The following SLCO1A2 variants were observed in gnomAD, a reference collection of about 807,000 sequenced individuals.
The protein encoded by SLCO1A2 is OATP-1.
In SLCO1A2, 67 loss-of-function variants were observed where a neutral mutation model predicts 69.0. The ratio of observed to expected loss-of-function variants is 0.97; its 90% CI spans 0.80 to 1.19. SLCO1A2 has a LOEUF of 1.19. SLCO1A2 is among the 50% of genes most tolerant of loss of function. SLCO1A2 has a pLI of 0.00. For synonymous variants in SLCO1A2, 260 were observed against 265.9 expected, an observed-to-expected ratio of 0.98 and a Z score of 0.22; for missense variants, 787 against 793.7, an observed-to-expected ratio of 0.99 and a Z score of 0.10.
intron 12 of SLCO1A2, among the ~76,000 whole-genome samples, chr12:21,287,950 A>T (rs1012896137): frequency 7.2e-6 from 1 of 138,294 alleles, no homozygotes; most frequent in Non-Finnish European, 1.6e-5. Context: ...AGCATGGCAC[A>T]TGTATACATA....
At chr12:21,386,852 T>A (rs981833291) in intron 1 of SLCO1A2, among the ~76,000 whole-genome samples, 1 of 152,032 alleles carries the variant, frequency 6.6e-6, no homozygotes, top group Non-Finnish European at 1.5e-5. Context: ...AATGTGAGAA[T>A]GTTTGGAACT....
At chr12:21,350,664 G>A (rs145875693) in intron 2 of SLCO1A2, among the ~76,000 whole-genome samples, 10,494 of 151,320 alleles carry the variant, frequency 0.069, 381 homozygotes, top group Middle Eastern at 0.15. Context: ...GTGAAACCCC[G>A]TCTCTACTAA....
chr12:21,279,391 A>T lies in SLCO1A2; in HGVS notation c.1611-3967T>A, dbSNP rs780041379. Among the ~76,000 whole-genome samples, 74 of 152,198 alleles carry T rather than the reference A, an allele frequency of 4.9e-4. 1 individual carries two copies. Among genetic ancestry groups the T allele is most frequent in the Non-Finnish European group, 1.0e-3 (68 of 68,034 alleles). On this transcript the variant is annotated intron_variant, in intron 12 of 14. Transcript: ENST00000683939. The stretch of plus-strand genomic sequence containing the variant: ...AATACCAAGCAGATTTAACCCAAAG[A>T]TTACCTCAAGGAATTCAATAAACCC...
At chr12:21,278,394 A>G (rs1944253063) in intron 12 of SLCO1A2, among the ~76,000 whole-genome samples, 1 of 151,994 alleles carries the variant, frequency 6.6e-6, no homozygotes, top group African/African-American at 2.4e-5. Context: ...TTGAACAAAC[A>G]TAGGTGGCAG....
At position 21,266,422 on chromosome 12, in the gene SLCO1A2, T is replaced by C. The variant is rs1942070179; in HGVS notation, c.*3126A>G. 6.6e-6 allele frequency: 1 copy of C among 152,104 alleles called. No homozygotes were observed. Among genetic ancestry groups the C allele is most frequent in the African/African-American group, 2.4e-5 (1 of 41,432 alleles). The allele number at this position is 152,104 out of a possible 1,614,324, so 9.4% of individuals were successfully genotyped here. A position where few individuals can be genotyped will look rare whatever the true frequency, so the allele number is the denominator to read the frequency against. The stretch of plus-strand genomic sequence containing the variant: ...AATATACCAGAAAGACTAAGGGTCT[T>C]TACCACTTCGTGTGCTATTACTCAA... On this transcript the variant is annotated 3_prime_UTR_variant, in exon 15 of 15. Coordinates refer to ENST00000683939, the MANE Select transcript of SLCO1A2 (RefSeq NM_001386879.1).
rs267603420 is a variant in SLCO1A2, at chr12:21,314,682, C to T, written c.203-1G>A. ...ACAAATATAATCAACAAAAGATTTC[C>T]TAGGAAAAAATTGAGAATAATCATT... On this transcript the variant is annotated splice_acceptor_variant, in intron 3 of 14. Coordinates refer to ENST00000683939, the MANE Select transcript of SLCO1A2 (RefSeq NM_001386879.1). LOFTEE classifies it high-confidence loss of function. 5 of 1,593,658 alleles carry T rather than the reference C, an allele frequency of 3.1e-6. No homozygotes were observed. Among genetic ancestry groups the T allele is most frequent in the Non-Finnish European group, 4.3e-6 (5 of 1,163,310 alleles).
chr12:21,401,509 A>G (rs1941704313), intron 1 of SLCO1A2, among the ~76,000 whole-genome samples: 2 of 151,914 alleles, frequency 1.3e-5, no homozygotes, highest in South Asian at 4.1e-4. Context: ...TAATATTATT[A>G]AAACCTTTAT....
chr12:21,292,033 T>C lies in SLCO1A2; in HGVS notation c.1610+131A>G, dbSNP rs945334882. ...TTTTGTGAAATCCAACAATGCTTAA[T>C]ACAAAACCCTTAATAAATGGTACGT... On this transcript the variant is annotated intron_variant, in intron 12 of 14. Transcript: ENST00000683939. The C allele has an allele frequency of 7.0e-6, 4 of 568,662 alleles. No individual in the cohort carries two copies. In the African/African-American group the frequency reaches 7.4e-5, roughly 11 times the overall value. 35.2% of individuals were successfully genotyped at this position (568,662 alleles called of 1,614,324 possible).
chr12:21,269,021 G>A lies in SLCO1A2; in HGVS notation c.*527C>T, dbSNP rs1339876008. 1.3e-5 allele frequency: 2 copies of A among 152,112 alleles called. No homozygotes were observed. The highest frequency in any genetic ancestry group is 2.9e-5 in the Non-Finnish European group (2 of 68,076). 9.4% of individuals were successfully genotyped at this position (152,112 alleles called of 1,614,324 possible). ...TATTTATGAGTAATCTATTATATAG[G>A]AGTCATGCCTAGAATGAATAAGAAG... is the stretch of plus-strand genomic sequence containing the variant. On this transcript the variant is annotated 3_prime_UTR_variant, in exon 15 of 15. Transcript: ENST00000683939.
chr12:21,362,657 C>T (rs1297872858), intron 2 of SLCO1A2, among the ~76,000 whole-genome samples: 2 of 152,122 alleles, frequency 1.3e-5, no homozygotes, highest in African/African-American at 2.4e-5. Flanking sequence ...GGAGACCCAT[C>T]TCACACGCAG....
chr12:21,395,851 T>G (rs1211013130), upstream of SLCO1A2, among the ~76,000 whole-genome samples: 2 of 151,958 alleles, frequency 1.3e-5, no homozygotes, highest in Non-Finnish European at 2.9e-5. Flanking sequence ...AGAAAGGACA[T>G]CCACACCAAA....
rs140226385 is a variant in SLCO1A2 at position 21,394,838 on chromosome 12, T to C, written c.-190+68A>G. On this transcript the variant is annotated intron_variant, in intron 1 of 15. Transcript: ENST00000307378. ...GGTACACTCAAGCCAATAATATCAA[T>C]TGCTAAAAAGATTAATTCACATAAA... The C allele has an allele frequency of 2.6e-5, 4 of 152,236 alleles. No homozygotes were observed. In the East Asian group the frequency reaches 7.7e-4, roughly 29 times the overall value. The allele number at this position is 152,236 out of a possible 1,614,324, so 9.4% of individuals were successfully genotyped here.
chr12:21,419,441 T>G (rs914447587), upstream of SLCO1A2: 1 of 153,400 alleles, frequency 6.5e-6, no homozygotes, highest in East Asian at 1.9e-4. Context: ...CCTTTCTGAG[T>G]CAAAGAAAGG....
chr12:21,266,483 T>A lies in SLCO1A2; in HGVS notation c.*3065A>T, dbSNP rs138832164. ...ATCATCTGAGGAAAAGTTAATGATTTTAGGAGGAGTAGTATTTTTTCAATG... is the reference window on the plus strand; with the variant it reads ...ATCATCTGAGGAAAAGTTAATGATTATAGGAGGAGTAGTATTTTTTCAATG... On this transcript the variant is annotated 3_prime_UTR_variant, in exon 15 of 15. Coordinates refer to ENST00000683939, the MANE Select transcript of SLCO1A2 (RefSeq NM_001386879.1). 1 of 152,208 alleles carries A rather than the reference T, an allele frequency of 6.6e-6. No homozygotes were observed. The highest frequency in any genetic ancestry group is 2.4e-5 in the African/African-American group (1 of 41,540). The allele number at this position is 152,208 out of a possible 1,614,324, so 9.4% of individuals were successfully genotyped here. A position where few individuals can be genotyped will look rare whatever the true frequency, so the allele number is the denominator to read the frequency against.
At chr12:21,363,386 A>T (rs371100243) in intron 2 of SLCO1A2, among the ~76,000 whole-genome samples, 5 of 152,338 alleles carry the variant, frequency 3.3e-5, no homozygotes, top group East Asian at 3.9e-4. Context: ...TCTGGGACAC[A>T]TTTAAAGCTG....
intron 5 of SLCO1A2, 138 bp from the exon 6 acceptor site, chr12:21,304,711 GTGAC>G (rs1949138921): frequency 2.4e-6 from 2 of 822,666 alleles, no homozygotes; most frequent in East Asian, 5.3e-5. Flanking sequence ...TATTCCAGCA[GTGAC>G]TTCTCAGGGC....
Position 21,266,212 on chromosome 12 carries a change from C to T in SLCO1A2, c.*3336G>A, listed in dbSNP as rs1474689969. 7 of 152,138 alleles carry T rather than the reference C, an allele frequency of 4.6e-5. No individual in the cohort carries two copies. The highest frequency in any genetic ancestry group is 2.0e-4 in the Admixed American group (3 of 15,248). 9.4% of individuals were successfully genotyped at this position (152,138 alleles called of 1,614,324 possible). A position where few individuals can be genotyped will look rare whatever the true frequency, so the allele number is the denominator to read the frequency against. Reference sequence around the variant, plus strand: ...TCAAGCTTTTGGTTACAAAACATTTCGAGCTTTTCTTTAATTACTTAGTCT... The same window carrying T: ...TCAAGCTTTTGGTTACAAAACATTTTGAGCTTTTCTTTAATTACTTAGTCT... On this transcript the variant is annotated 3_prime_UTR_variant, in exon 15 of 15. Transcript: ENST00000683939.
At chr12:21,303,697 A>AAG (rs1266008919) in intron 6 of SLCO1A2, among the ~76,000 whole-genome samples, 7 of 152,234 alleles carry the variant, frequency 4.6e-5, no homozygotes, top group African/African-American at 1.7e-4. Flanking sequence ...GGTGGGTCTT[A>AAG]AGTTGGCTAT....
intron 14 of SLCO1A2, 79 bp downstream of exon 14, chr12:21,274,390 A>G: frequency 1.1e-6 from 1 of 881,432 alleles, no homozygotes; most frequent in East Asian, 2.5e-5. Flanking sequence ...CTTGACAAAG[A>G]AAAAGTTACG....
Sources: gnomAD v4.1 joint callset for allele counts (sites outside exome capture counted in the v4.1 genomes callset) on GRCh38, gnomAD v4.1.1 for gene constraint, MANE v1.5 for transcripts, NCBI Gene and HGNC (gene_info 2026-07-23, HGNC 2026-07-21) for gene names.